MACROD2: variants seen among roughly 807,000 people sequenced by gnomAD.
The protein encoded by MACROD2 is ADP-ribose glycohydrolase MACROD2.
A neutral mutation model predicts 70.4 loss-of-function variants in MACROD2; 36 were observed. The observed-to-expected ratio is 0.51, with a 90% CI of 0.39 to 0.68. MACROD2 has a LOEUF of 0.68. MACROD2 is among the 30% of genes least tolerant of loss of function. MACROD2 has a pLI of 0.00. For synonymous variants in MACROD2, 172 were observed against 178.8 expected, an observed-to-expected ratio of 0.96 and a Z score of 0.30; for missense variants, 496 against 538.4, an observed-to-expected ratio of 0.92 and a Z score of 0.78.
chr20:15,444,828 AAATGAGGTTAAT>A (rs2046541255), intron 7 of MACROD2, among the ~76,000 whole-genome samples: 2 of 151,144 alleles, frequency 1.3e-5, no homozygotes, highest in African/African-American at 4.8e-5. Context: ...TAATAATGTA[AAATGAGGTTAAT>A]AATGAGGTTC....
At chr20:15,234,134 C>T (rs1177478828) in intron 6 of MACROD2, among the ~76,000 whole-genome samples, 1 of 136,818 alleles carries the variant, frequency 7.3e-6, no homozygotes, top group Non-Finnish European at 1.6e-5. Flanking sequence ...CAGGTTCACG[C>T]CATTCTCCTG....
chr20:15,226,946 A>G (rs998012080), intron 5 of MACROD2, among the ~76,000 whole-genome samples: 5 of 152,160 alleles, frequency 3.3e-5, no homozygotes, highest in African/African-American at 1.2e-4. Flanking sequence ...CACTGAGAAA[A>G]TGAGAAACTC....
At chr20:15,429,012 C>G (rs1419654514) in intron 6 of MACROD2, among the ~76,000 whole-genome samples, 1 of 152,102 alleles carries the variant, frequency 6.6e-6, no homozygotes, top group East Asian at 1.9e-4. Flanking sequence ...TTAAAAGGTA[C>G]AGTGGAACAT....
chr20:14,740,587 T>G (rs1225588789), intron 5 of MACROD2, among the ~76,000 whole-genome samples: 2 of 152,168 alleles, frequency 1.3e-5, no homozygotes, highest in East Asian at 3.9e-4. Context: ...AATATGCTAA[T>G]TTGTGTAAAT....
chr20:15,277,180 A>G (rs1054095986), intron 6 of MACROD2, among the ~76,000 whole-genome samples: 4 of 152,162 alleles, frequency 2.6e-5, no homozygotes, highest in Admixed American at 1.3e-4. Context: ...CATAGTTCCT[A>G]TCATCTTAAG....
intron 6 of MACROD2, among the ~76,000 whole-genome samples, chr20:15,404,693 C>T (rs1265592551): frequency 6.6e-6 from 1 of 152,212 alleles, no homozygotes; most frequent in African/African-American, 2.4e-5. Context: ...TGACCAAAGA[C>T]TTTCACTTAA....
chr20:15,958,567 C>T (rs1237528971), intron 12 of MACROD2, among the ~76,000 whole-genome samples: 1 of 152,138 alleles, frequency 6.6e-6, no homozygotes, highest in Non-Finnish European at 1.5e-5. Context: ...AGGCCTTCTT[C>T]TGATGTGCAG....
At chr20:14,224,143 A>G (rs1438659723) in intron 3 of MACROD2, among the ~76,000 whole-genome samples, 7 of 152,098 alleles carry the variant, frequency 4.6e-5, no homozygotes, top group Admixed American at 3.3e-4. Flanking sequence ...ACACTTTCAC[A>G]GAAACATACT....
chr20:14,804,869 G>A (rs973424842), intron 5 of MACROD2, among the ~76,000 whole-genome samples: 3 of 150,692 alleles, frequency 2.0e-5, no homozygotes, highest in African/African-American at 4.9e-5. Context: ...GTGTGTGTGT[G>A]TGTGCTTTTG....
At chr20:15,988,886 A>G (rs2066520875) in intron 15 of MACROD2, among the ~76,000 whole-genome samples, 1 of 152,142 alleles carries the variant, frequency 6.6e-6, no homozygotes, top group African/African-American at 2.4e-5. Flanking sequence ...CACATTTGTC[A>G]TCTTATACTT....
intron 3 of MACROD2, among the ~76,000 whole-genome samples, chr20:14,160,450 AG>A (rs563269109): frequency 7.8e-4 from 118 of 152,256 alleles, no homozygotes; most frequent in Admixed American, 5.4e-3. Context: ...CAATCCAGGT[AG>A]GTTGTATGTA....
chr20:15,252,892 G>T, intron 6 of MACROD2, among the ~76,000 whole-genome samples: 1 of 152,158 alleles, frequency 6.6e-6, no homozygotes, highest in East Asian at 1.9e-4. Context: ...AGCCTGGCTT[G>T]CATCATGGCA....
intron 4 of MACROD2, among the ~76,000 whole-genome samples, chr20:14,508,143 G>A (rs1263821434): frequency 6.6e-6 from 1 of 152,142 alleles, no homozygotes; most frequent in African/African-American, 2.4e-5. Context: ...CAAGAAACAA[G>A]AGTTTCACCT....
intron 2 of MACROD2, among the ~76,000 whole-genome samples, chr20:14,084,591 A>G (rs1424303067): frequency 6.6e-6 from 1 of 152,186 alleles, no homozygotes; most frequent in Non-Finnish European, 1.5e-5. Context: ...AAATAAATGG[A>G]AACTCAAGTT....
chr20:14,330,685 A>G (rs562964531), intron 3 of MACROD2, among the ~76,000 whole-genome samples: 1 of 152,252 alleles, frequency 6.6e-6, no homozygotes, highest in South Asian at 2.1e-4. Flanking sequence ...GATGGATCAA[A>G]CAGTCTCTAG....
intron 13 of MACROD2, among the ~76,000 whole-genome samples, chr20:15,979,668 G>A (rs763014800): frequency 1.6e-4 from 25 of 151,988 alleles, no homozygotes; most frequent in Admixed American, 2.6e-4. Context: ...ATTAGCCCGA[G>A]GCAAAATGGC....
chr20:14,350,517 A>G (rs2083113777), intron 3 of MACROD2, among the ~76,000 whole-genome samples: 1 of 152,152 alleles, frequency 6.6e-6, no homozygotes, highest in Non-Finnish European at 1.5e-5. Flanking sequence ...AGTGGTGTCA[A>G]TCACTTTTTC....
chr20:14,765,534 C>T (rs919630674), intron 5 of MACROD2, among the ~76,000 whole-genome samples: 6 of 152,096 alleles, frequency 3.9e-5, no homozygotes, highest in Non-Finnish European at 7.3e-5. Flanking sequence ...AGTGATTCAT[C>T]AGGAGTTAGT....
chr20:14,211,108 A>G (rs1350598832), intron 3 of MACROD2, among the ~76,000 whole-genome samples: 1 of 152,222 alleles, frequency 6.6e-6, no homozygotes, highest in African/African-American at 2.4e-5. Flanking sequence ...TTATACAGCA[A>G]ATGAGGTAAA....
Sources: gnomAD v4.1 joint callset for allele counts (sites outside exome capture counted in the v4.1 genomes callset) on GRCh38, gnomAD v4.1.1 for gene constraint, MANE v1.5 for transcripts, NCBI Gene and HGNC (gene_info 2026-07-23, HGNC 2026-07-21) for gene names.